FAH: variants seen among roughly 807,000 people sequenced by gnomAD.
FAH encodes the protein fumarylacetoacetase.
A neutral mutation model predicts 55.8 loss-of-function variants in FAH; 47 were observed. That is an observed-to-expected ratio of 0.84 (90% CI 0.67 to 1.07). The LOEUF is 1.07. FAH is among the 50% of genes least tolerant of loss of function. The probability of loss-of-function intolerance (pLI) is 0.00; values close to 1 mark genes in which losing one functional copy is unlikely to be tolerated. For synonymous variants in FAH, 199 were observed against 207.7 expected (o/e 0.96, Z 0.36); for missense variants, 495 against 545.9 (o/e 0.91, Z 0.93).
At chr15:80,173,904 G>A (rs1040911156) in intron 9 of FAH, among the ~76,000 whole-genome samples, 1 of 152,072 alleles carries the variant, frequency 6.6e-6, no homozygotes, top group African/African-American at 2.4e-5. Context: ...GCACATCCTC[G>A]CTTGAGCATC....
chr15:80,184,807 C>T (rs1234909031), intron 13 of FAH, among the ~76,000 whole-genome samples: 1 of 152,126 alleles, frequency 6.6e-6, no homozygotes, highest in Non-Finnish European at 1.5e-5. Flanking sequence ...AGCCTTTGCA[C>T]GTGTTCTTCC....
chr15:80,158,314 G>A, intron 2 of FAH, 144 bp downstream of exon 2: 1 of 749,694 alleles, frequency 1.3e-6, no homozygotes. Context: ...GGCTGGGGTT[G>A]TTTTGAGACA....
At chr15:80,159,938 T>A in intron 3 of FAH, 61 bp downstream of exon 3, 1 of 1,580,550 alleles carries the variant, frequency 6.3e-7, no homozygotes, top group Non-Finnish European at 8.6e-7. Context: ...GAAGGCTGTG[T>A]GGTTATCAGT....
chr15:80,163,492 C>T (rs570608627), intron 5 of FAH: 5 of 152,358 alleles, frequency 3.3e-5, no homozygotes, highest in African/African-American at 1.2e-4. Flanking sequence ...GAGCCGGGAC[C>T]TGGGAAATGA....
chr15:80,183,962 C>T (rs146564732), intron 13 of FAH, among the ~76,000 whole-genome samples: 4 of 152,240 alleles, frequency 2.6e-5, no homozygotes, highest in African/African-American at 9.6e-5. Context: ...TTAAATGGCG[C>T]GATGAAATTC....
rs2041369282 is a variant in FAH at position 80,186,181 on chromosome 15, A to G, written c.1232A>G (p.Lys411Arg). 2 of 1,614,136 alleles carry G rather than the reference A, an allele frequency of 1.2e-6. No homozygotes were observed. Among genetic ancestry groups the G allele is most frequent in the Non-Finnish European group, 1.7e-6 (2 of 1,179,980 alleles). ...YRIGFGQCAG[K>R]VLPALLPS Reference sequence around the variant, plus strand: ...ATCGGCTTTGGCCAGTGTGCTGGAAAAGTGCTGCCTGCTCTCCTGCCATCA... The same window carrying G: ...ATCGGCTTTGGCCAGTGTGCTGGAAGAGTGCTGCCTGCTCTCCTGCCATCA... The change falls in exon 14 of 14, where the codon AAA (lysine) becomes AGA (arginine). Residue 411 changes from lysine to arginine, a missense_variant. By Grantham distance (26) the Lys-to-Arg change is conservative. Transcript: ENST00000561421.
intron 5 of FAH, 112 bp downstream of exon 5, chr15:80,162,448 A>G: frequency 1.1e-6 from 1 of 943,582 alleles, no homozygotes; most frequent in Middle Eastern, 2.1e-4. Flanking sequence ...GGGGAGGAAA[A>G]GCAGTTATGA....
At position 80,170,178 on chromosome 15, in the gene FAH, G is replaced by A. The variant is rs1161985374; in HGVS notation, c.606+1862G>A. On this transcript the variant is annotated intron_variant, in intron 7 of 13. Coordinates refer to ENST00000561421, the MANE Select transcript of FAH (RefSeq NM_000137.4). ...GTCTTCAGCATCTGCTGGGTTGTCT[G>A]ATGCCCAAGGTTGGAGTCAGTCTCC... is the stretch of plus-strand genomic sequence containing the variant. Among the ~76,000 whole-genome samples, 3 of 152,388 alleles carry A rather than the reference G, an allele frequency of 2.0e-5. No homozygotes were observed. In the East Asian group the frequency reaches 5.8e-4, roughly 29 times the overall value.
At chr15:80,172,371 T>TG in intron 8 of FAH, 123 bp downstream of exon 8, 1 of 719,830 alleles carries the variant, frequency 1.4e-6, no homozygotes, top group Non-Finnish European at 2.5e-6. Context: ...TGACTGAGAG[T>TG]GGGGGTCTGG....
intron 9 of FAH, chr15:80,173,476 G>A (rs1280295435): frequency 2.3e-6 from 1 of 432,320 alleles, no homozygotes; most frequent in Non-Finnish European, 4.3e-6. Flanking sequence ...CTCCCAGGTG[G>A]CCATCAAATC....
chr15:80,164,669 C>T (rs1191661995), intron 5 of FAH, among the ~76,000 whole-genome samples: 2 of 152,040 alleles, frequency 1.3e-5, no homozygotes, highest in African/African-American at 4.8e-5. Flanking sequence ...GGGGAGTGGC[C>T]GGGTGGGGAG....
chr15:80,160,645 C>T (rs911661316), intron 4 of FAH, 186 bp downstream of exon 4: 7 of 702,966 alleles, frequency 1.0e-5, no homozygotes, highest in African/African-American at 8.7e-5. Flanking sequence ...CCGGCATTCA[C>T]TCAGGCTATT....
rs753539920 is a variant in FAH, at chr15:80,181,138, G to A, written c.1159G>A (p.Gly387Arg). ...TCAGACCAGGAAGTTTCTGCTGGAC[G>A]GGGATGAAGTCATCATAACAGGTGA... The part of the protein sequence containing the change: ...NGQTRKFLLD[G>R]DEVIITGYCQ... The change falls in exon 13 of 14, where the codon GGG becomes AGG. Residue 387 changes from glycine (G) to arginine (R), a missense_variant. Physicochemically the swap from Gly to Arg is moderately radical, Grantham distance 125. Coordinates refer to ENST00000561421, the MANE Select transcript of FAH (RefSeq NM_000137.4). 19 of 1,612,896 alleles carry A rather than the reference G, an allele frequency of 1.2e-5. No individual in the cohort carries two copies. The East Asian group carries it at 2.0e-4, about 17-fold the overall frequency.
rs371724864 is a variant in FAH at position 80,186,240 on chromosome 15, C to A, written c.*31C>A. 3.3e-6 allele frequency: 5 copies of A among 1,513,692 alleles called. No individual in the cohort carries two copies. Among genetic ancestry groups the A allele is most frequent in the Non-Finnish European group, 4.6e-6 (5 of 1,090,630 alleles). 93.8% of individuals were successfully genotyped at this position (1,513,692 alleles called of 1,614,324 possible). A position where few individuals can be genotyped will look rare whatever the true frequency, so the allele number is the denominator to read the frequency against. On this transcript the variant is annotated 3_prime_UTR_variant, in exon 14 of 14. Coordinates refer to ENST00000561421, the MANE Select transcript of FAH (RefSeq NM_000137.4). ...TCTCTGCTCTTCTGGAAACAAAGGG[C>A]TCAAGCACCCCTTTCAACCCTGTGA...
At chr15:80,184,574 CT>C (rs150367840) in intron 13 of FAH, among the ~76,000 whole-genome samples, 1 of 150,724 alleles carries the variant, frequency 6.6e-6, no homozygotes, top group East Asian at 2.0e-4. Context: ...CTTTAATAGG[CT>C]TTTTTTTTCA....
At chr15:80,177,470 C>G in intron 10 of FAH, 67 bp from the exon 11 acceptor site, 1 of 1,390,540 alleles carries the variant, frequency 7.2e-7, no homozygotes, top group Non-Finnish European at 1.0e-6. Flanking sequence ...CAGAACAATT[C>G]TTTTTTTATT....
At chr15:80,185,895 C>A (rs62006336) in intron 13 of FAH, among the ~76,000 whole-genome samples, 2 of 152,138 alleles carry the variant, frequency 1.3e-5, no homozygotes, top group African/African-American at 2.4e-5. Context: ...CTTGCAGTGC[C>A]TCTGAGGATC....
chr15:80,181,109 A>G lies in FAH; in HGVS notation c.1130A>G (p.Asn377Ser), dbSNP rs1000452037. 3 of 1,613,538 alleles carry G rather than the reference A, an allele frequency of 1.9e-6. No homozygotes were observed. The South Asian group carries it at 3.3e-5, about 18-fold the overall frequency. The part of the protein sequence containing the change: ...WKGTKPIDLG[N>S]GQTRKFLLDG... The stretch of plus-strand genomic sequence containing the variant: ...GGAACGAAGCCCATAGACCTGGGGA[A>G]TGGTCAGACCAGGAAGTTTCTGCTG... Residue 377 changes from asparagine (N) to serine (S), a missense_variant, in exon 13 of 14, where the codon AAT (asparagine) becomes AGT (serine). Coordinates refer to ENST00000561421, the MANE Select transcript of FAH (RefSeq NM_000137.4).
Position 80,159,861 on chromosome 15 carries a change from A to G in FAH, c.298A>G (p.Thr100Ala). 1.2e-5 allele frequency: 19 copies of G among 1,614,194 alleles called. No homozygotes were observed. Among genetic ancestry groups the G allele is most frequent in the Non-Finnish European group, 1.6e-5 (19 of 1,180,026 alleles). ...GAGCCAAGCCAGGCTCAGAGATGAC[A>G]CCGAACTTCGGAAGTGGTGAGAAGC... is the stretch of plus-strand genomic sequence containing the variant. ...SVSQARLRDD[T>A]ELRKCAFISQ... Residue 100 changes from threonine to alanine, a missense_variant, in exon 3 of 14, where the codon ACC becomes GCC. Thr to Ala is a moderately conservative substitution (Grantham distance 58, BLOSUM62 0). Coordinates refer to ENST00000561421, the MANE Select transcript of FAH (RefSeq NM_000137.4).
Sources: gnomAD v4.1 joint callset for allele counts (sites outside exome capture counted in the v4.1 genomes callset) on GRCh38, gnomAD v4.1.1 for gene constraint, MANE v1.5 for transcripts, NCBI Gene and HGNC (gene_info 2026-07-23, HGNC 2026-07-21) for gene names.